The following MAFK variants were observed in gnomAD, a reference collection of about 807,000 sequenced individuals.
The protein encoded by MAFK is transcription factor MafK.
In MAFK, 1 loss-of-function variant was observed where a neutral mutation model predicts 9.2. The observed-to-expected ratio is 0.11, with a 90% CI of 0.04 to 0.52. The LOEUF is 0.52. Ranked by LOEUF, MAFK falls within the 20% of genes least tolerant of loss-of-function variation. The pLI is 0.94. For synonymous variants in MAFK, 110 were observed against 107.4 expected (o/e 1.02, Z -0.15); for missense variants, 207 against 236.0 (o/e 0.88, Z 0.81).
chr7:1,533,435 C>T (rs147399337), intron 1 of MAFK, among the ~76,000 whole-genome samples: 3 of 152,164 alleles, frequency 2.0e-5, no homozygotes, highest in East Asian at 1.9e-4. Flanking sequence ...TGCTTGCCTA[C>T]GCGAGGAGGA....
Position 1,540,384 on chromosome 7 carries a change from G to A in MAFK, c.*9G>A, listed in dbSNP as rs372751056. On this transcript the variant is annotated 3_prime_UTR_variant, in exon 3 of 3. Transcript: ENST00000343242. ...TCTCGGCTGCATCCTAGTGCCGGCC[G>A]GGGGCGGGGGGTGGCGGGCGGCGGG... is the stretch of plus-strand genomic sequence containing the variant. 35 of 1,508,990 alleles carry A rather than the reference G, an allele frequency of 2.3e-5. No homozygotes were observed. In the Admixed American group the frequency reaches 3.3e-4, roughly 14 times the overall value. 93.5% of individuals were successfully genotyped at this position (1,508,990 alleles called of 1,614,324 possible).
rs1487460013 is a variant in MAFK at position 1,534,055 on chromosome 7, G to A, written c.-45+3157G>A. On this transcript the variant is annotated intron_variant, in intron 1 of 2. Coordinates refer to ENST00000343242, the MANE Select transcript of MAFK (RefSeq NM_002360.4). The surrounding 1 kb of genome is among the most constrained non-coding windows in gnomAD (Gnocchi z 4.3). ...AGCTTCCTCAGACTGCAAATGCAAGGTGACCAGACGTCCTCCAAGCCGGGC... is the reference window on the plus strand; with the variant it reads ...AGCTTCCTCAGACTGCAAATGCAAGATGACCAGACGTCCTCCAAGCCGGGC... The A allele has an allele frequency of 2.8e-6, 1 of 358,410 alleles. No homozygotes were observed. Among genetic ancestry groups the A allele is most frequent in the Non-Finnish European group, 5.6e-6 (1 of 177,394 alleles). 22.2% of individuals were successfully genotyped at this position (358,410 alleles called of 1,614,324 possible).
intron 1 of MAFK, among the ~76,000 whole-genome samples, chr7:1,535,824 C>A (rs1371291773): frequency 6.6e-6 from 1 of 152,232 alleles, no homozygotes; most frequent in African/African-American, 2.4e-5. Context: ...TGGGCGGAGC[C>A]GCCCTGCCCT....
Position 1,534,099 on chromosome 7 carries a change from G to A in MAFK, c.-45+3201G>A, listed in dbSNP as rs767561644. ...GCCGGGCCGACAGTCATGGCTTGCT[G>A]GAGGGCAGCCAGCCAGGGCCAGGCT... On this transcript the variant is annotated intron_variant, in intron 1 of 2. Transcript: ENST00000343242. This position sits in a 1 kb window ranked among gnomAD's most constrained non-coding sequence, Gnocchi z 4.3. 1 of 389,648 alleles carries A rather than the reference G, an allele frequency of 2.6e-6. No individual in the cohort carries two copies. The highest frequency in any genetic ancestry group is 2.8e-5 in the Admixed American group (1 of 35,164). The allele number at this position is 389,648 out of a possible 1,614,324, so 24.1% of individuals were successfully genotyped here. A position where few individuals can be genotyped will look rare whatever the true frequency, so the allele number is the denominator to read the frequency against.
chr7:1,539,987 A>G lies in MAFK; in HGVS notation c.83A>G (p.Glu28Gly). Reference sequence around the variant, plus strand: ...AACGCCCCGGTGCTCAGCGATGATGAGCTGGTGTCCATGTCGGTGCGGGAG... The same window carrying G: ...AACGCCCCGGTGCTCAGCGATGATGGGCTGGTGTCCATGTCGGTGCGGGAG... ...GENAPVLSDD[E>G]LVSMSVRELN... Residue 28 changes from glutamate (E) to glycine (G), a missense_variant, in exon 3 of 3, where the codon GAG (glutamate) becomes GGG (glycine). Transcript: ENST00000343242. The G allele has an allele frequency of 6.4e-7, 1 of 1,554,934 alleles. No individual in the cohort carries two copies. The highest frequency in any genetic ancestry group is 8.7e-7 in the Non-Finnish European group (1 of 1,148,948).
At chr7:1,531,135 C>G (rs1327008072) in intron 1 of MAFK, among the ~76,000 whole-genome samples, 2 of 149,108 alleles carry the variant, frequency 1.3e-5, no homozygotes, top group Non-Finnish European at 3.0e-5. Context: ...GCTCTCTCCC[C>G]TGCACGTGCC....
chr7:1,540,572 G>A lies in MAFK; in HGVS notation c.*197G>A, dbSNP rs562117228. The A allele has an allele frequency of 2.0e-5, 12 of 596,592 alleles. No homozygotes were observed. Among genetic ancestry groups the A allele is most frequent in the Non-Finnish European group, 3.4e-5 (12 of 349,696 alleles). 37.0% of individuals were successfully genotyped at this position (596,592 alleles called of 1,614,324 possible). Reference sequence around the variant, plus strand: ...GGCTCCCGTGGGCCCAGAGCTGCACGCCGGTCCACAGACACACTCACGCCC... The same window carrying A: ...GGCTCCCGTGGGCCCAGAGCTGCACACCGGTCCACAGACACACTCACGCCC... On this transcript the variant is annotated 3_prime_UTR_variant, in exon 3 of 3. Coordinates refer to ENST00000343242, the MANE Select transcript of MAFK (RefSeq NM_002360.4).
rs780953176 is a variant in MAFK, at chr7:1,540,691, T to C, written c.*316T>C. 6.0e-6 allele frequency: 2 copies of C among 335,376 alleles called. No homozygotes were observed. Among genetic ancestry groups the C allele is most frequent in the Non-Finnish European group, 1.1e-5 (2 of 182,210 alleles). The allele number at this position is 335,376 out of a possible 1,614,324, so 20.8% of individuals were successfully genotyped here. On this transcript the variant is annotated 3_prime_UTR_variant, in exon 3 of 3. Transcript: ENST00000343242. The stretch of plus-strand genomic sequence containing the variant: ...ATATAATGGAAAGGCCCTCGGGAAG[T>C]TCCGCGTCCTCTGTGGGGGCTGCCG...
At chr7:1,538,519 C>T in intron 1 of MAFK, 2 of 794,176 alleles carry the variant, frequency 2.5e-6, no homozygotes, top group Non-Finnish European at 3.1e-6. Context: ...TCCACCCAGG[C>T]CCACCGTGGG....
chr7:1,538,159 C>A, intron 1 of MAFK: 2 of 560,888 alleles, frequency 3.6e-6, no homozygotes, highest in Non-Finnish European at 4.5e-6. Context: ...GTCCCAAGGT[C>A]GCCATGGCAA....
chr7:1,536,581 A>G (rs3808336), intron 1 of MAFK, among the ~76,000 whole-genome samples: 80,472 of 152,106 alleles, frequency 0.53, 21,500 homozygotes, highest in East Asian at 0.65. Flanking sequence ...ACAAAACCCC[A>G]TTTAGGGCAG....
chr7:1,538,797 C>A, intron 1 of MAFK: 1 of 237,134 alleles, frequency 4.2e-6, no homozygotes, highest in Non-Finnish European at 8.2e-6. Flanking sequence ...GCCTGCTGGT[C>A]ACCCCACAGT....
chr7:1,539,784 G>T (rs190369522), intron 2 of MAFK, among the ~76,000 whole-genome samples, 157 bp from the exon 3 acceptor site: 2 of 152,314 alleles, frequency 1.3e-5, no homozygotes, highest in East Asian at 3.9e-4. Context: ...GGCTGCCTGC[G>T]TGCACAGTGT....
rs1562547881 is a variant in MAFK at position 1,540,392 on chromosome 7, GGGGTGGCGGGCGGCGGGCGGC to G, written c.*21_*41del. Reference sequence around the variant, plus strand: ...GCATCCTAGTGCCGGCCGGGGGCGGGGGGTGGCGGGCGGCGGGCGGCGGGCAGGCGGGTGGGGGCACACCCC... The same window carrying G: ...GCATCCTAGTGCCGGCCGGGGGCGGGGGGCAGGCGGGTGGGGGCACACCCC... On this transcript the variant is annotated 3_prime_UTR_variant, in exon 3 of 3. Transcript: ENST00000343242. The G allele has an allele frequency of 6.7e-7, 1 of 1,482,550 alleles. No homozygotes were observed. Among genetic ancestry groups the G allele is most frequent in the African/African-American group, 1.4e-5 (1 of 70,398 alleles). 91.8% of individuals were successfully genotyped at this position (1,482,550 alleles called of 1,614,324 possible). A position where few individuals can be genotyped will look rare whatever the true frequency, so the allele number is the denominator to read the frequency against.
rs986122138 is a variant in MAFK, at chr7:1,534,924, GATAAGGTCTTGCCCTGTC to G, written c.-45+4028_-45+4045del. Among the ~76,000 whole-genome samples, 3 of 151,138 alleles carry G rather than the reference GATAAGGTCTTGCCCTGTC, an allele frequency of 2.0e-5. No individual in the cohort carries two copies. The highest frequency in any genetic ancestry group is 2.1e-4 in the South Asian group (1 of 4,744). ...CTCTCTCTTTTTTTTTTTCCTAAAA[GATAAGGTCTTGCCCTGTC>G]ACTCAGGCTGCTGGAGTGCAGTGGT... On this transcript the variant is annotated intron_variant, in intron 1 of 2. Coordinates refer to ENST00000343242, the MANE Select transcript of MAFK (RefSeq NM_002360.4). This position sits in a 1 kb window ranked among gnomAD's most constrained non-coding sequence, Gnocchi z 4.3.
chr7:1,539,837 C>T (rs1434716534), intron 2 of MAFK, 104 bp from the exon 3 acceptor site: 21 of 998,548 alleles, frequency 2.1e-5, no homozygotes, highest in East Asian at 5.3e-5. Flanking sequence ...GCCCTGAGAG[C>T]GCAGGCGTGC....
At chr7:1,531,544 G>A (rs1486215291) in intron 1 of MAFK, among the ~76,000 whole-genome samples, 1 of 152,214 alleles carries the variant, frequency 6.6e-6, no homozygotes, top group East Asian at 1.9e-4. Context: ...GGGGAGGCGG[G>A]AGGGGGGCAG....
At chr7:1,535,202 G>A (rs1037216876) in intron 1 of MAFK, among the ~76,000 whole-genome samples, 12 of 149,486 alleles carry the variant, frequency 8.0e-5, no homozygotes, top group Non-Finnish European at 1.2e-4. Flanking sequence ...AAGAGCCACT[G>A]TGCCCAGTCC....
chr7:1,537,699 C>G (rs543129164), intron 1 of MAFK: 1 of 985,626 alleles, frequency 1.0e-6, no homozygotes, highest in Non-Finnish European at 1.2e-6. Flanking sequence ...CCTGTCTCAC[C>G]TGTGCGGCCC....
Sources: allele counts gnomAD v4.1 joint callset (sites outside exome capture counted in the v4.1 genomes callset), GRCh38; gene constraint gnomAD v4.1.1; non-coding constraint Gnocchi (gnomAD v3.1); transcripts MANE v1.5; gene names NCBI Gene and HGNC (gene_info 2026-07-23, HGNC 2026-07-21).